CLCA4: variants seen among roughly 807,000 people sequenced by gnomAD.
CLCA4 encodes the protein chloride channel accessory 4.
CLCA4 carries 69 observed loss-of-function variants against 78.9 expected under a neutral mutation model. That is an observed-to-expected ratio of 0.87 (90% CI 0.72 to 1.07). The LOEUF is 1.07. Ranked by LOEUF, CLCA4 falls within the 50% of genes least tolerant of loss-of-function variation. CLCA4 has a pLI of 0.00. For synonymous variants in CLCA4, 362 were observed against 375.8 expected, an observed-to-expected ratio of 0.96 and a Z score of 0.42; for missense variants, 1,133 against 1,095.8, an observed-to-expected ratio of 1.03 and a Z score of -0.48.
In CLCA4 at chr1:86,575,482, A is replaced by T. The variant is rs1650484782; in HGVS notation, c.1834A>T (p.Ile612Phe). ...KDVNSFPSPM[I>F]VYAEILQGYV... ...CGTAAACAGTTTCCCCAGCCCAATGATTGTTTACGCAGAAATTCTACAAGG... is the reference window on the plus strand; with the variant it reads ...CGTAAACAGTTTCCCCAGCCCAATGTTTGTTTACGCAGAAATTCTACAAGG... The change falls in exon 11 of 14, where the codon ATT (isoleucine) becomes TTT (phenylalanine). Residue 612 changes from isoleucine to phenylalanine, a missense_variant. Coordinates refer to ENST00000370563, the MANE Select transcript of CLCA4 (RefSeq NM_012128.4). 1 of 1,613,394 alleles carries T rather than the reference A, an allele frequency of 6.2e-7. No individual in the cohort carries two copies. The highest frequency in any genetic ancestry group is 1.1e-5 in the South Asian group (1 of 91,080).
At chr1:86,551,022 G>A (rs568970905) in intron 1 of CLCA4, among the ~76,000 whole-genome samples, 13 of 151,744 alleles carry the variant, frequency 8.6e-5, no homozygotes, top group African/African-American at 2.4e-4. Context: ...TAGTAGAGAC[G>A]GGGTTTCACC....
chr1:86,561,477 T>G (rs1174183004), intron 3 of CLCA4, among the ~76,000 whole-genome samples: 1 of 152,188 alleles, frequency 6.6e-6, no homozygotes, highest in African/African-American at 2.4e-5. Context: ...ACAACACACT[T>G]TCCAAGCTCA....
rs1478206690 is a variant in CLCA4, at chr1:86,579,506, A to G, written c.2275A>G (p.Thr759Ala). 6 of 1,613,178 alleles carry G rather than the reference A, an allele frequency of 3.7e-6. No homozygotes were observed. Among genetic ancestry groups the G allele is most frequent in the Non-Finnish European group, 4.2e-6 (5 of 1,179,500 alleles). ...LPDQYPPSQITDLDATVHEDK... is the reference protein window; with the variant it reads ...LPDQYPPSQIADLDATVHEDK... ...TGACCAATACCCACCAAGTCAAATC[A>G]CAGACCTTGATGCCACAGTTCATGA... is the stretch of plus-strand genomic sequence containing the variant. The change falls in exon 13 of 14, where the codon ACA becomes GCA. Residue 759 changes from threonine (T) to alanine (A), a missense_variant. Coordinates refer to ENST00000370563, the MANE Select transcript of CLCA4 (RefSeq NM_012128.4).
chr1:86,571,138 A>AG lies in CLCA4; in HGVS notation c.1246dup (p.Asp416GlyfsTer2). 1 of 1,612,808 alleles carries AG rather than the reference A, an allele frequency of 6.2e-7. No individual in the cohort carries two copies. Among genetic ancestry groups the AG allele is most frequent in the Non-Finnish European group, 8.5e-7 (1 of 1,179,024 alleles). ...GAAGTACTGCTGCTGACTGATGGGG[A>AG]GGATAACACTGCAAGTTCTTGTATT... On this transcript the variant is annotated frameshift_variant, in exon 8 of 14. Transcript: ENST00000370563. LOFTEE classifies it high-confidence loss of function.
At chr1:86,572,970 A>G in intron 9 of CLCA4, 1 of 447,476 alleles carries the variant, frequency 2.2e-6, no homozygotes, top group Non-Finnish European at 4.1e-6. Context: ...AAGAAATGAC[A>G]TTACAATGTT....
Position 86,578,045 on chromosome 1 carries a change from G to T in CLCA4, c.2095G>T (p.Ala699Ser). Residue 699 changes from alanine (A) to serine (S), a missense_variant, in exon 12 of 14, where the codon GCG (alanine) becomes TCG (serine). Ala to Ser is a moderately conservative substitution (Grantham distance 99). Coordinates refer to ENST00000370563, the MANE Select transcript of CLCA4 (RefSeq NM_012128.4). ...ATTACGGCCTCCACTGAATAGAGCCGCGTACATACCAGGCTGGGTAGTGAA... is the reference window on the plus strand; with the variant it reads ...ATTACGGCCTCCACTGAATAGAGCCTCGTACATACCAGGCTGGGTAGTGAA... The part of the protein sequence containing the change: ...LKLRPPLNRA[A>S]YIPGWVVNGE... 6.2e-7 allele frequency: 1 copy of T among 1,612,290 alleles called. No individual in the cohort carries two copies. The highest frequency in any genetic ancestry group is 8.5e-7 in the Non-Finnish European group (1 of 1,179,130).
rs1169527748 is a variant in CLCA4, at chr1:86,547,222, G to C, written c.103G>C (p.Val35Leu). The C allele has an allele frequency of 6.2e-7, 1 of 1,611,220 alleles. No individual in the cohort carries two copies. The highest frequency in any genetic ancestry group is 1.7e-5 in the Admixed American group (1 of 59,542). The change falls in exon 1 of 14, where the codon GTC becomes CTC. Residue 35 changes from valine to leucine, a missense_variant. Transcript: ENST00000370563. ...KLNNNGFEDI[V>L]IVIDPSVPED... ...GAATAATAATGGCTTTGAAGATATT[G>C]TCATTGTTATAGATCCTAGTGTGCC... is the stretch of plus-strand genomic sequence containing the variant.
In CLCA4 at chr1:86,547,136, G is replaced by A. The variant is rs764003871; in HGVS notation, c.17G>A (p.Gly6Asp). Residue 6 changes from glycine (G) to aspartate (D), a missense_variant, in exon 1 of 14, where the codon GGT becomes GAT. Transcript: ENST00000370563. ...AGAGGAACAATGGGGTTATTCAGAG[G>A]TTTTGTTTTCCTCTTAGTTCTGTGC... MGLFR[G>D]FVFLLVLCLL... 9 of 1,605,934 alleles carry A rather than the reference G, an allele frequency of 5.6e-6. No homozygotes were observed. In the South Asian group the frequency reaches 1.0e-4, roughly 18 times the overall value.
intron 1 of CLCA4, chr1:86,553,128 C>G (rs1345368920): frequency 2.0e-5 from 16 of 814,722 alleles, no homozygotes; most frequent in Non-Finnish European, 2.1e-5. Flanking sequence ...CCTGCGTCAT[C>G]TCCTCTTGGA....
At chr1:86,560,390 G>A (rs1413661241) in intron 3 of CLCA4, 32 bp downstream of exon 3, 2 of 1,609,930 alleles carry the variant, frequency 1.2e-6, no homozygotes, top group African/African-American at 1.3e-5. Context: ...TAATTTTGCA[G>A]TGATTGCAGC....
rs770294525 is a variant in CLCA4, at chr1:86,547,225, A to G, written c.106A>G (p.Ile36Val). The G allele has an allele frequency of 5.6e-6, 9 of 1,611,350 alleles. No homozygotes were observed. The South Asian group carries it at 7.7e-5, about 14-fold the overall frequency. Residue 36 changes from isoleucine to valine, a missense_variant, in exon 1 of 14, where the codon ATT becomes GTT. Coordinates refer to ENST00000370563, the MANE Select transcript of CLCA4 (RefSeq NM_012128.4). ...LNNNGFEDIV[I>V]VIDPSVPEDE... ...TAATAATGGCTTTGAAGATATTGTCATTGTTATAGATCCTAGTGTGCCAGA... is the reference window on the plus strand; with the variant it reads ...TAATAATGGCTTTGAAGATATTGTCGTTGTTATAGATCCTAGTGTGCCAGA...
chr1:86,570,455 A>G (rs1326841343), intron 7 of CLCA4, among the ~76,000 whole-genome samples: 1 of 152,106 alleles, frequency 6.6e-6, no homozygotes, highest in Non-Finnish European at 1.5e-5. Flanking sequence ...ATTGAACTTA[A>G]TAAGTATAAT....
intron 7 of CLCA4, among the ~76,000 whole-genome samples, chr1:86,569,912 G>A (rs916365233): frequency 1.7e-4 from 26 of 151,898 alleles, no homozygotes; most frequent in African/African-American, 5.8e-4. Flanking sequence ...GCAAGAAAAG[G>A]AGAGGTGAAA....
At chr1:86,551,032 C>G (rs547980178) in intron 1 of CLCA4, among the ~76,000 whole-genome samples, 1 of 151,832 alleles carries the variant, frequency 6.6e-6, no homozygotes, top group Non-Finnish European at 1.5e-5. Flanking sequence ...GGGGTTTCAC[C>G]GTGTTAGCCA....
At chr1:86,554,282 A>C (rs944002829) in intron 1 of CLCA4, among the ~76,000 whole-genome samples, 47 of 152,280 alleles carry the variant, frequency 3.1e-4, no homozygotes, top group African/African-American at 1.1e-3. Context: ...GCTAAGGATA[A>C]TAGCCTACAG....
At chr1:86,562,457 C>A (rs1558187123) in intron 3 of CLCA4, among the ~76,000 whole-genome samples, 1 of 152,190 alleles carries the variant, frequency 6.6e-6, no homozygotes, top group Non-Finnish European at 1.5e-5. Context: ...GCTTCTGATT[C>A]TGTAAGCAAA....
intron 1 of CLCA4, among the ~76,000 whole-genome samples, chr1:86,557,173 T>C (rs1297524741): frequency 1.3e-5 from 2 of 152,172 alleles, no homozygotes; most frequent in African/African-American, 4.8e-5. Context: ...GTTGATCTTT[T>C]GAGTGGTTTT....
intron 11 of CLCA4, among the ~76,000 whole-genome samples, chr1:86,577,052 G>A (rs1212495726): frequency 2.0e-5 from 3 of 152,048 alleles, no homozygotes; most frequent in Non-Finnish European, 4.4e-5. Context: ...GAGAAAAACT[G>A]AGAAGGTGAA....
chr1:86,555,924 G>A (rs550606356), intron 1 of CLCA4, among the ~76,000 whole-genome samples: 1 of 152,216 alleles, frequency 6.6e-6, no homozygotes, highest in African/African-American at 2.4e-5. Context: ...TCACCTCCCT[G>A]GTTAGCTGTA....
Sources: gnomAD v4.1 joint callset for allele counts (sites outside exome capture counted in the v4.1 genomes callset) on GRCh38, gnomAD v4.1.1 for gene constraint, MANE v1.5 for transcripts, NCBI Gene and HGNC (gene_info 2026-07-23, HGNC 2026-07-21) for gene names.